Variants in LINGO2 observed in about 807,000 individuals in gnomAD.
LINGO2 encodes leucine rich repeat and Ig domain containing 2.
Under a neutral mutation model 30.6 loss-of-function variants are expected in LINGO2, and 14 were observed. The observed-to-expected ratio is 0.46, with a 90% CI of 0.30 to 0.72. The LOEUF (loss-of-function observed/expected upper bound fraction) is 0.72. LINGO2 is among the 30% of genes least tolerant of loss of function. The probability of loss-of-function intolerance (pLI) is 0.07; values close to 1 mark genes in which losing one functional copy is unlikely to be tolerated. For synonymous variants in LINGO2, 317 were observed against 288.5 expected (o/e 1.10, Z -1.00); for missense variants, 729 against 751.7 (o/e 0.97, Z 0.35).
the LINGO2 span, among the ~76,000 whole-genome samples, chr9:28,860,001 G>A: frequency 6.6e-6 from 1 of 151,944 alleles, no homozygotes; most frequent in African/African-American, 2.4e-5. Flanking sequence ...AGTCAATAAT[G>A]TTTTAGTAGA....
chr9:29,102,461 A>G, the LINGO2 span, among the ~76,000 whole-genome samples: 1 of 152,212 alleles, frequency 6.6e-6, no homozygotes, highest in Admixed American at 6.5e-5. Flanking sequence ...GAGCTGGCGT[A>G]TAAAAGAGAA....
intron 4 of LINGO2, among the ~76,000 whole-genome samples, chr9:28,029,180 G>A (rs1823537515): frequency 6.6e-6 from 1 of 151,748 alleles, no homozygotes; most frequent in Admixed American, 6.6e-5. Context: ...AAGAAGCCAA[G>A]TGATAAGACA....
At position 28,047,645 on chromosome 9, in the gene LINGO2, A is replaced by C. The variant is rs1019260833; in HGVS notation, c.-86-35240T>G. On this transcript the variant is annotated intron_variant, in intron 4 of 5. Transcript: ENST00000379992. ...CCTCGGGAGAGTTATGGTGATAGTA[A>C]CGGTAGCTACCTTGTGGGAGGTCTT... Among the ~76,000 whole-genome samples the C allele has an allele frequency of 1.2e-4, 18 of 150,908 alleles. 1 individual carries two copies. The highest frequency in any genetic ancestry group is 3.4e-3 in the Middle Eastern group (1 of 294).
intron 4 of LINGO2, among the ~76,000 whole-genome samples, chr9:28,263,064 G>GT (rs1170051038): frequency 7.0e-4 from 107 of 152,048 alleles, no homozygotes; most frequent in African/African-American, 2.4e-3. Flanking sequence ...TTGGCTAGAG[G>GT]TACAACCCCC....
rs1827891069 is a variant in LINGO2, at chr9:28,148,738, C to G, written c.-86-136333G>C. The G allele has an allele frequency of 6.5e-6, 10 of 1,533,898 alleles. No homozygotes were observed. The highest frequency in any genetic ancestry group is 2.7e-5 in the African/African-American group (2 of 72,994). On this transcript the variant is annotated intron_variant, in intron 4 of 5. Transcript: ENST00000379992. The surrounding 1 kb of genome is among the most constrained non-coding windows in gnomAD (Gnocchi z 5.1). The stretch of plus-strand genomic sequence containing the variant: ...ACAGCCCTGCTGGAGGCATCCTTCC[C>G]TTTGGGAAGCCTGACCCACTTCCAA...
chr9:29,062,590 G>T, the LINGO2 span, among the ~76,000 whole-genome samples: 32 of 152,186 alleles, frequency 2.1e-4, no homozygotes, highest in Admixed American at 2.0e-3. Flanking sequence ...GCCACAAAAT[G>T]ACAAATTGTA....
At chr9:28,440,258 A>C (rs992302944) in intron 2 of LINGO2, among the ~76,000 whole-genome samples, 1 of 152,202 alleles carries the variant, frequency 6.6e-6, no homozygotes, top group African/African-American at 2.4e-5. Context: ...CTGGAATACT[A>C]AGTATGAATA....
the LINGO2 span, among the ~76,000 whole-genome samples, chr9:28,728,529 A>G: frequency 3.3e-5 from 5 of 152,282 alleles, no homozygotes; most frequent in South Asian, 8.3e-4. Context: ...GATGCAAAAA[A>G]ATAAAAGCAT....
chr9:29,155,155 C>A, the LINGO2 span, among the ~76,000 whole-genome samples: 1 of 151,828 alleles, frequency 6.6e-6, no homozygotes, highest in Admixed American at 6.6e-5. Flanking sequence ...GGATAATTTG[C>A]CAACATTGTG....
intron 5 of LINGO2, among the ~76,000 whole-genome samples, chr9:27,980,363 C>G (rs908514517): frequency 5.9e-5 from 9 of 151,864 alleles, no homozygotes; most frequent in Non-Finnish European, 1.2e-4. Context: ...CCCTGATTTT[C>G]CAGAAAAACT....
the LINGO2 span, among the ~76,000 whole-genome samples, chr9:28,965,184 A>G: frequency 3.9e-5 from 6 of 152,014 alleles, no homozygotes; most frequent in African/African-American, 1.4e-4. Flanking sequence ...TTCTTAGGAT[A>G]GAAATTCAAG....
chr9:28,510,586 A>C (rs550338221), intron 1 of LINGO2, among the ~76,000 whole-genome samples: 1 of 151,948 alleles, frequency 6.6e-6, no homozygotes, highest in African/African-American at 2.4e-5. Context: ...GATGAAGGAG[A>C]ACAGGCACAT....
chr9:28,673,850 T>G (rs191679569), upstream of LINGO2, among the ~76,000 whole-genome samples: 3 of 151,950 alleles, frequency 2.0e-5, no homozygotes, highest in Admixed American at 2.0e-4. Context: ...CAATTCAAGG[T>G]AAGTGATAAC....
intron 4 of LINGO2, among the ~76,000 whole-genome samples, chr9:28,262,458 G>C (rs1198419139): frequency 6.6e-6 from 1 of 151,638 alleles, no homozygotes; most frequent in Non-Finnish European, 1.5e-5. Flanking sequence ...GAAACAAATG[G>C]ACAAAAAAGC....
chr9:28,566,167 G>A (rs1262780703), intron 1 of LINGO2, among the ~76,000 whole-genome samples: 1 of 152,088 alleles, frequency 6.6e-6, no homozygotes, highest in Non-Finnish European at 1.5e-5. Context: ...CTTATTTCCT[G>A]AATATTGGGA....
the LINGO2 span, among the ~76,000 whole-genome samples, chr9:28,676,978 AACT>A: frequency 6.6e-6 from 1 of 152,156 alleles, no homozygotes; most frequent in South Asian, 2.1e-4. Context: ...ACATACAGAA[AACT>A]ACTGTGTCTT....
the LINGO2 span, among the ~76,000 whole-genome samples, chr9:29,194,314 C>T: frequency 2.0e-5 from 3 of 152,116 alleles, no homozygotes; most frequent in Admixed American, 2.0e-4. Flanking sequence ...GTTCAGGAGG[C>T]CACAGGCTGT....
chr9:29,198,509 C>T, the LINGO2 span, among the ~76,000 whole-genome samples: 1 of 152,128 alleles, frequency 6.6e-6, no homozygotes, highest in Non-Finnish European at 1.5e-5. Context: ...TACACTGATG[C>T]TCGGGGACAG....
At chr9:28,830,514 T>C in the LINGO2 span, among the ~76,000 whole-genome samples, 1 of 151,974 alleles carries the variant, frequency 6.6e-6, no homozygotes, top group African/African-American at 2.4e-5. Flanking sequence ...GGCCACTCAA[T>C]AAAGTACAGG....
Sources: gnomAD v4.1 joint callset for allele counts (sites outside exome capture counted in the v4.1 genomes callset) on GRCh38, gnomAD v4.1.1 for gene constraint, Gnocchi (gnomAD v3.1) non-coding constraint, MANE v1.5 for transcripts, NCBI Gene and HGNC (gene_info 2026-07-23, HGNC 2026-07-21) for gene names.